The following NBEA variants were observed in gnomAD, a reference collection of about 807,000 sequenced individuals.
NBEA encodes neurobeachin.
NBEA carries 44 observed loss-of-function variants against 343.4 expected under a neutral mutation model. That is an observed-to-expected ratio of 0.13 (90% CI 0.10 to 0.16). The LOEUF (loss-of-function observed/expected upper bound fraction) is 0.16, where lower values mean the gene tolerates loss of function less well. Ranked by LOEUF, NBEA falls within the 10% of genes least tolerant of loss-of-function variation. The probability of loss-of-function intolerance (pLI) is 1.00; values close to 1 mark genes in which losing one functional copy is unlikely to be tolerated. For synonymous variants in NBEA, 1,175 were observed against 1,238.7 expected (o/e 0.95, Z 1.08); for missense variants, 2,555 against 3,631.3 (o/e 0.70, Z 7.62).
chr13:35,068,072 C>G (rs2063721683), intron 8 of NBEA, among the ~76,000 whole-genome samples: 1 of 151,960 alleles, frequency 6.6e-6, no homozygotes, highest in African/African-American at 2.4e-5. Context: ...TAGAAATAAC[C>G]TAATACTGCA....
chr13:35,545,444 C>A (rs909129031), intron 41 of NBEA, among the ~76,000 whole-genome samples: 3 of 152,182 alleles, frequency 2.0e-5, no homozygotes, highest in Non-Finnish European at 4.4e-5. Flanking sequence ...AGCAGGGTAA[C>A]AGAGCCCTGG....
At chr13:35,568,602 A>G (rs2153027188) in intron 45 of NBEA, among the ~76,000 whole-genome samples, 1 of 152,256 alleles carries the variant, frequency 6.6e-6, no homozygotes, top group South Asian at 2.1e-4. Flanking sequence ...TTTTAGAGAG[A>G]CCCACACAAG....
Position 35,210,056 on chromosome 13 carries a change from G to T in NBEA, c.5522-997G>T, listed in dbSNP as rs528814868. Among the ~76,000 whole-genome samples the T allele has an allele frequency of 7.9e-5, 12 of 152,082 alleles. No homozygotes were observed. The East Asian group carries it at 2.3e-3, about 29-fold the overall frequency. ...AAGTATATACGTTAAAAGTGTAAAG[G>T]TTTTAAAAATATGAATAAAGTCCTT... On this transcript the variant is annotated intron_variant, in intron 32 of 58. Transcript: ENST00000379939.
intron 41 of NBEA, among the ~76,000 whole-genome samples, chr13:35,526,332 T>C (rs2077972883): frequency 6.6e-6 from 1 of 152,198 alleles, no homozygotes; most frequent in Non-Finnish European, 1.5e-5. Context: ...CTTCTGATCG[T>C]TTTTACAAAA....
Position 35,196,210 on chromosome 13 carries a change from A to G in NBEA, c.5274A>G (p.Ala1758=), listed in dbSNP as rs141373444. The G allele has an allele frequency of 2.5e-6, 4 of 1,613,656 alleles. No homozygotes were observed. The highest frequency in any genetic ancestry group is 2.2e-5 in the East Asian group (1 of 44,754). The part of the protein sequence containing the change: ...KSLVAAPVEI[A]ECGPEPIPYP... ...TTGTGGCTGCTCCAGTTGAAATAGC[A>G]GAATGTGGCCCTGAACCTATCCCAT... Residue 1758 remains alanine, a synonymous_variant, in exon 31 of 59, where the codon GCA becomes GCG. Transcript: ENST00000379939.
chr13:35,337,621 C>G (rs1389286489), intron 36 of NBEA, among the ~76,000 whole-genome samples: 5 of 151,998 alleles, frequency 3.3e-5, no homozygotes, highest in Non-Finnish European at 2.9e-5. Flanking sequence ...GTATATGTCA[C>G]CTAGACCTCC....
In NBEA at chr13:35,211,123, C is replaced by T. The variant is rs183331825; in HGVS notation, c.5592C>T (p.Asn1864=). ...SSFVNGATSK[N]LPAVQTVAPM... ...TTGTGAATGGTGCTACTAGCAAAAA[C>T]CTTCCAGCTGTACAAACTGTTGCTC... Residue 1864 remains asparagine, a synonymous_variant, in exon 33 of 59, where the codon AAC becomes AAT. Transcript: ENST00000379939. 9.0e-6 allele frequency: 14 copies of T among 1,552,886 alleles called. No individual in the cohort carries two copies. The East Asian group carries it at 3.4e-4, about 38-fold the overall frequency.
At chr13:35,152,161 T>C (rs1272840020) in intron 18 of NBEA, among the ~76,000 whole-genome samples, 1 of 152,208 alleles carries the variant, frequency 6.6e-6, no homozygotes, top group Non-Finnish European at 1.5e-5. Context: ...TTGTTCCTTA[T>C]AGTAATAACT....
intron 1 of NBEA, among the ~76,000 whole-genome samples, chr13:35,002,916 T>C (rs112765579): frequency 0.015 from 2,334 of 152,222 alleles, 64 homozygotes; most frequent in African/African-American, 0.053. Flanking sequence ...GGCAAAACTT[T>C]GTAGCCCAGT....
chr13:35,345,135 T>C (rs1369899390), intron 36 of NBEA, among the ~76,000 whole-genome samples: 1 of 152,066 alleles, frequency 6.6e-6, no homozygotes, highest in African/African-American at 2.4e-5. Context: ...ATTTATCACA[T>C]TAAAAGTGAA....
chr13:35,321,975 T>C (rs2038181887), intron 36 of NBEA, among the ~76,000 whole-genome samples: 1 of 152,298 alleles, frequency 6.6e-6, no homozygotes, highest in African/African-American at 2.4e-5. Flanking sequence ...CCAGGTTGAC[T>C]TCAGACTGCT....
At chr13:35,186,826 A>C (rs1034836175) in intron 30 of NBEA, 1 of 152,170 alleles carries the variant, frequency 6.6e-6, no homozygotes, top group African/African-American at 2.4e-5. Context: ...GTAGTTGTCT[A>C]AATTAATCAC....
chr13:35,312,272 A>T (rs1254891911), intron 36 of NBEA, among the ~76,000 whole-genome samples: 2 of 152,162 alleles, frequency 1.3e-5, no homozygotes, highest in Non-Finnish European at 2.9e-5. Context: ...GAGTGGTGGG[A>T]TTATCAAGGT....
At chr13:35,567,276 G>T (rs537042614) in intron 45 of NBEA, among the ~76,000 whole-genome samples, 3 of 152,124 alleles carry the variant, frequency 2.0e-5, no homozygotes, top group Non-Finnish European at 4.4e-5. Flanking sequence ...ATATATCCTA[G>T]GCTTTAAAGT....
chr13:35,293,814 T>A (rs897689456), intron 35 of NBEA, among the ~76,000 whole-genome samples: 2 of 152,046 alleles, frequency 1.3e-5, no homozygotes, highest in Non-Finnish European at 2.9e-5. Flanking sequence ...ACTGATGTTA[T>A]CCCATAGCAT....
intron 1 of NBEA, among the ~76,000 whole-genome samples, chr13:35,026,917 C>G (rs2062037568): frequency 6.6e-6 from 1 of 152,042 alleles, no homozygotes. Flanking sequence ...CCTCATAACC[C>G]TAACTCTTGG....
At chr13:35,143,491 T>C (rs766469223) in intron 18 of NBEA, among the ~76,000 whole-genome samples, 1 of 151,960 alleles carries the variant, frequency 6.6e-6, no homozygotes, top group Non-Finnish European at 1.5e-5. Context: ...TATTTTGTTA[T>C]AGATTTAGAT....
chr13:35,389,214 C>T (rs925731466), intron 38 of NBEA, among the ~76,000 whole-genome samples: 1 of 151,988 alleles, frequency 6.6e-6, no homozygotes, highest in African/African-American at 2.4e-5. Flanking sequence ...ATTGTATCAG[C>T]CTGTGGTACT....
At chr13:35,232,326 CTGTT>C (rs1422383867) in intron 33 of NBEA, among the ~76,000 whole-genome samples, 162 bp from the exon 34 acceptor site, 3 of 152,134 alleles carry the variant, frequency 2.0e-5, no homozygotes, top group Non-Finnish European at 4.4e-5. Context: ...AGCCTTATGA[CTGTT>C]TGTGAAACTG....
Sources: gnomAD v4.1 joint callset for allele counts (sites outside exome capture counted in the v4.1 genomes callset) on GRCh38, gnomAD v4.1.1 for gene constraint, MANE v1.5 for transcripts, NCBI Gene and HGNC (gene_info 2026-07-23, HGNC 2026-07-21) for gene names.